PPIL4: variants seen among roughly 807,000 people sequenced by gnomAD.
PPIL4 encodes peptidylprolyl isomerase like 4, also known as peptidyl-prolyl cis-trans isomerase-like 4.
PPIL4 carries 50 observed loss-of-function variants against 69.1 expected under a neutral mutation model. The observed-to-expected ratio is 0.72, with a 90% CI of 0.58 to 0.92. The LOEUF (loss-of-function observed/expected upper bound fraction) is 0.92, where lower values mean the gene tolerates loss of function less well. Ranked by LOEUF, PPIL4 falls within the 40% of genes least tolerant of loss-of-function variation. PPIL4 has a pLI of 0.00. For missense variants in PPIL4, 480 were observed against 587.9 expected, an observed-to-expected ratio of 0.82 and a Z score of 1.90; for synonymous variants, 193 against 191.6, an observed-to-expected ratio of 1.01 and a Z score of -0.06.
At chr6:149,531,310 A>T (rs982711617) in intron 7 of PPIL4, among the ~76,000 whole-genome samples, 62 of 149,442 alleles carry the variant, frequency 4.1e-4, no homozygotes, top group Admixed American at 7.5e-4. Flanking sequence ...GGTTGCAGTG[A>T]GCCAAGATCG....
chr6:149,526,215 C>T (rs1010027096), intron 8 of PPIL4, among the ~76,000 whole-genome samples: 3 of 152,124 alleles, frequency 2.0e-5, no homozygotes, highest in African/African-American at 7.2e-5. Flanking sequence ...GAAATACTAG[C>T]TTCATAGACT....
At chr6:149,539,433 A>C (rs570935188) in intron 4 of PPIL4, among the ~76,000 whole-genome samples, 1 of 152,186 alleles carries the variant, frequency 6.6e-6, no homozygotes, top group Non-Finnish European at 1.5e-5. Context: ...GCTGGAGTGC[A>C]GTGGTACAAT....
Position 149,512,288 on chromosome 6 carries a change from A to G in PPIL4, c.1094T>C (p.Leu365Pro), listed in dbSNP as rs374144563. ...GTCTTCGGCCTGCTCATCTAATATA[A>G]GATCGTATTTTGTACTGCAGTAGTT... ...VKPKQDTKYD[L>P]ILDEQAEDSK... is the part of the protein sequence containing the mutation. The change falls in exon 12 of 13, where the codon CTT becomes CCT. Residue 365 changes from leucine (L) to proline (P), a missense_variant. Leu to Pro is a moderately conservative substitution (Grantham distance 98). Transcript: ENST00000253329. 2 of 1,612,290 alleles carry G rather than the reference A, an allele frequency of 1.2e-6. No homozygotes were observed. Among genetic ancestry groups the G allele is most frequent in the Non-Finnish European group, 1.7e-6 (2 of 1,178,816 alleles).
intron 1 of PPIL4, among the ~76,000 whole-genome samples, chr6:149,543,514 A>G (rs559085381): frequency 5.3e-5 from 8 of 152,326 alleles, no homozygotes; most frequent in African/African-American, 1.9e-4. Flanking sequence ...ATAATAAGAA[A>G]GTTTAAATGA....
intron 1 of PPIL4, 40 bp downstream of exon 1, chr6:149,545,896 C>T (rs1488115511): frequency 1.3e-6 from 2 of 1,546,236 alleles, no homozygotes; most frequent in Non-Finnish European, 1.8e-6. Context: ...GAGACAAGCT[C>T]GGGGGCCCCG....
chr6:149,516,999 T>G (rs970973129), intron 11 of PPIL4: 1 of 159,936 alleles, frequency 6.3e-6, no homozygotes, highest in African/African-American at 2.4e-5. Context: ...GGCTTTCCGG[T>G]TTTTGCAGGA....
rs114550344 is a variant in PPIL4, at chr6:149,518,113, C to A, written c.983-663G>T. On this transcript the variant is annotated intron_variant, in intron 10 of 12. Transcript: ENST00000253329. ...TGTGAGAGGAGAGGGTGGGTAATAG[C>A]ACCAAAGACAAACTGTCTCTACTTT... 1.6e-3 allele frequency among the ~76,000 whole-genome samples: 238 copies of A among 152,192 alleles called. 1 individual carries two copies. The highest frequency in any genetic ancestry group is 5.4e-3 in the African/African-American group (223 of 41,520).
intron 7 of PPIL4, among the ~76,000 whole-genome samples, chr6:149,532,609 A>G (rs921912180): frequency 2.0e-5 from 3 of 152,186 alleles, no homozygotes; most frequent in Non-Finnish European, 4.4e-5. Context: ...ATGGTAATAT[A>G]AACTTAAGCC....
chr6:149,538,532 T>C (rs1777313756), intron 4 of PPIL4, among the ~76,000 whole-genome samples: 1 of 152,178 alleles, frequency 6.6e-6, no homozygotes, highest in Non-Finnish European at 1.5e-5. Context: ...CTCTGATGGA[T>C]ATGGGCAAGT....
chr6:149,540,258 T>A (rs1037809668), intron 4 of PPIL4, among the ~76,000 whole-genome samples: 2 of 152,152 alleles, frequency 1.3e-5, no homozygotes, highest in African/African-American at 4.8e-5. Flanking sequence ...AACAGGGTCA[T>A]TGGGAGAATT....
At position 149,541,077 on chromosome 6, in the gene PPIL4, G is replaced by A. The variant is rs779064152; in HGVS notation, c.204-18C>T. 3.0e-5 allele frequency: 42 copies of A among 1,413,500 alleles called. No homozygotes were observed. The highest frequency in any genetic ancestry group is 4.0e-5 in the Non-Finnish European group (40 of 1,001,282). 87.6% of individuals were successfully genotyped at this position (1,413,500 alleles called of 1,614,324 possible). ...ACAGTTGGCTGAAAAAACATATAAGGTTATAAATGTAAGTACTCTCAAAAT... is the reference window on the plus strand; with the variant it reads ...ACAGTTGGCTGAAAAAACATATAAGATTATAAATGTAAGTACTCTCAAAAT... On this transcript the variant is annotated intron_variant, in intron 3 of 12. Transcript: ENST00000253329.
At chr6:149,521,535 A>T (rs565387491) in intron 9 of PPIL4, among the ~76,000 whole-genome samples, 96 of 152,342 alleles carry the variant, frequency 6.3e-4, no homozygotes, top group Non-Finnish European at 1.2e-3. Context: ...ACATCCTGGA[A>T]AGTGAAAGTT....
At chr6:149,534,133 C>T (rs1377757532) in intron 6 of PPIL4, among the ~76,000 whole-genome samples, 1 of 152,062 alleles carries the variant, frequency 6.6e-6, no homozygotes, top group Non-Finnish European at 1.5e-5. Context: ...CCAGCCTAGG[C>T]AACAAAGTGA....
chr6:149,540,602 T>A (rs1777344249), intron 4 of PPIL4, among the ~76,000 whole-genome samples: 1 of 151,944 alleles, frequency 6.6e-6, no homozygotes. Flanking sequence ...GGAGACAGAG[T>A]GAGACTACAT....
At chr6:149,521,753 C>G (rs978344108) in intron 9 of PPIL4, among the ~76,000 whole-genome samples, 1 of 152,146 alleles carries the variant, frequency 6.6e-6, no homozygotes, top group African/African-American at 2.4e-5. Flanking sequence ...ACAGTATTAC[C>G]TTTCTGAATT....
At chr6:149,515,096 C>T (rs1305425887) in intron 11 of PPIL4, among the ~76,000 whole-genome samples, 2 of 152,070 alleles carry the variant, frequency 1.3e-5, no homozygotes, top group South Asian at 4.1e-4. Context: ...CCTCGGCCTC[C>T]CAGAGTGCTG....
At position 149,539,730 on chromosome 6, in the gene PPIL4, C is replaced by T. The variant is rs76810445; in HGVS notation, c.321+1212G>A. The stretch of plus-strand genomic sequence containing the variant: ...CAGTCACCCCAACCTTCAGCAATCA[C>T]CACCCAGATTAGTCAACGGCCATCA... On this transcript the variant is annotated intron_variant, in intron 4 of 12. Transcript: ENST00000253329. 2.9e-3 allele frequency among the ~76,000 whole-genome samples: 437 copies of T among 152,298 alleles called. 3 individuals are homozygous for T. The highest frequency in any genetic ancestry group is 0.01 in the African/African-American group (420 of 41,552).
Position 149,540,487 on chromosome 6 carries a change from C to T in PPIL4, c.321+455G>A, listed in dbSNP as rs980878194. Among the ~76,000 whole-genome samples, 5 of 151,932 alleles carry T rather than the reference C, an allele frequency of 3.3e-5. No homozygotes were observed. The East Asian group carries it at 7.8e-4, about 24-fold the overall frequency. ...AAAATTAGCCAGGTGTTGTGGCAGG[C>T]GCATGTAATCCCAGCTATTCGGAAG... On this transcript the variant is annotated intron_variant, in intron 4 of 12. Transcript: ENST00000253329.
chr6:149,521,053 A>G lies in PPIL4; in HGVS notation c.982+7T>C. 1 of 1,430,228 alleles carries G rather than the reference A, an allele frequency of 7.0e-7. No individual in the cohort carries two copies. The highest frequency in any genetic ancestry group is 9.7e-7 in the Non-Finnish European group (1 of 1,027,172). The allele number at this position is 1,430,228 out of a possible 1,614,324, so 88.6% of individuals were successfully genotyped here. A position where few individuals can be genotyped will look rare whatever the true frequency, so the allele number is the denominator to read the frequency against. Reference sequence around the variant, plus strand: ...GCAGAACAAAAACAAAAGATAAACCATCATACCTTTTCCTTTCCATTTAAC... The same window carrying G: ...GCAGAACAAAAACAAAAGATAAACCGTCATACCTTTTCCTTTCCATTTAAC... On this transcript the variant is annotated splice_region_variant and intron_variant, in intron 10 of 12. Coordinates refer to ENST00000253329, the MANE Select transcript of PPIL4 (RefSeq NM_139126.4).
Sources: allele counts gnomAD v4.1 joint callset (sites outside exome capture counted in the v4.1 genomes callset), GRCh38; gene constraint gnomAD v4.1.1; transcripts MANE v1.5; gene names NCBI Gene and HGNC (gene_info 2026-07-23, HGNC 2026-07-21).